Variants in SETDB2 observed in about 807,000 individuals in gnomAD.
The protein encoded by SETDB2 is histone-lysine N-methyltransferase SETDB2.
SETDB2 carries 56 observed loss-of-function variants against 82.5 expected under a neutral mutation model. The observed-to-expected ratio is 0.68, with a 90% CI of 0.55 to 0.85. The LOEUF (loss-of-function observed/expected upper bound fraction) is 0.85. Ranked by LOEUF, SETDB2 falls within the 40% of genes least tolerant of loss-of-function variation. The pLI is 0.00. For missense variants in SETDB2, 677 were observed against 816.4 expected (o/e 0.83, Z 2.08); for synonymous variants, 272 against 284.9 (o/e 0.95, Z 0.46).
chr13:49,470,391 A>T (rs1173483006), intron 5 of SETDB2, among the ~76,000 whole-genome samples: 1 of 152,226 alleles, frequency 6.6e-6, no homozygotes, highest in African/African-American at 2.4e-5. Context: ...GACTGGAATT[A>T]TGTTTAAATA....
rs768076449 is a variant in SETDB2, at chr13:49,482,901, A to G, written c.1321A>G (p.Arg441Gly). 1.5e-5 allele frequency: 25 copies of G among 1,613,438 alleles called. No homozygotes were observed. The Admixed American group carries it at 3.8e-4, about 25-fold the overall frequency. ...VLPLGLETHP[R>G]TAKTEKCPPK... ...CCCATTAGGATTGGAAACACATCCTAGAACTGCTAAAACTGAGAAATGTCC... is the reference window on the plus strand; with the variant it reads ...CCCATTAGGATTGGAAACACATCCTGGAACTGCTAAAACTGAGAAATGTCC... Residue 441 changes from arginine (R) to glycine (G), a missense_variant, in exon 9 of 14, where the codon AGA becomes GGA. Coordinates refer to ENST00000611815, the MANE Select transcript of SETDB2 (RefSeq NM_001160308.3).
rs1958200911 is a variant in SETDB2, at chr13:49,470,277, T to C, written c.305+2317T>C. Among the ~76,000 whole-genome samples the C allele has an allele frequency of 2.6e-5, 4 of 152,310 alleles. No homozygotes were observed. The South Asian group carries it at 8.3e-4, about 32-fold the overall frequency. On this transcript the variant is annotated intron_variant, in intron 5 of 13. Coordinates refer to ENST00000611815, the MANE Select transcript of SETDB2 (RefSeq NM_001160308.3). ...TTTTTTTGAGATTATACCTAACTTT[T>C]GAGTTGAGCATTCTGAGATCTTTTC...
intron 11 of SETDB2, among the ~76,000 whole-genome samples, chr13:49,486,058 C>A (rs536657348): frequency 6.6e-6 from 1 of 152,254 alleles, no homozygotes; most frequent in South Asian, 2.1e-4. Flanking sequence ...CAGTAGCTCA[C>A]GCCCGTAATC....
chr13:49,462,567 G>C (rs568186331), intron 4 of SETDB2, among the ~76,000 whole-genome samples: 2 of 152,236 alleles, frequency 1.3e-5, no homozygotes, highest in South Asian at 4.1e-4. Flanking sequence ...ACTTTAAAAA[G>C]AAAAACTGAG....
At chr13:49,463,225 G>A (rs1340190636) in intron 4 of SETDB2, among the ~76,000 whole-genome samples, 2 of 151,972 alleles carry the variant, frequency 1.3e-5, no homozygotes, top group African/African-American at 4.8e-5. Context: ...TGCCCAGACT[G>A]GTCACGAACT....
At chr13:49,486,654 A>T (rs1958604488) in intron 11 of SETDB2, among the ~76,000 whole-genome samples, 1 of 152,264 alleles carries the variant, frequency 6.6e-6, no homozygotes, top group Non-Finnish European at 1.5e-5. Flanking sequence ...GCAATTGCCT[A>T]GCCAATACTG....
intron 12 of SETDB2, among the ~76,000 whole-genome samples, chr13:49,489,743 G>A (rs1439496500): frequency 2.7e-5 from 4 of 150,376 alleles, no homozygotes; most frequent in African/African-American, 7.3e-5. Context: ...TTACAGGTGT[G>A]CACCACCATG....
At chr13:49,467,713 A>T (rs1479223597) in intron 4 of SETDB2, 151 bp from the exon 5 acceptor site, 1 of 456,132 alleles carries the variant, frequency 2.2e-6, no homozygotes, top group Non-Finnish European at 3.8e-6. Flanking sequence ...TTGACACTTA[A>T]TCTTTTGCCT....
At chr13:49,465,581 G>T (rs961175930) in intron 4 of SETDB2, among the ~76,000 whole-genome samples, 1 of 151,458 alleles carries the variant, frequency 6.6e-6, no homozygotes, top group Non-Finnish European at 1.5e-5. Flanking sequence ...TTATCCCCCA[G>T]GCTGGAGTAC....
In SETDB2 at chr13:49,467,915, C is replaced by T. The variant is rs774547518; in HGVS notation, c.260C>T (p.Pro87Leu). ...CAGGAAAACAAATCCAATGCATTTC[C>T]CTCTACATCATGTGAAAACTCCTTT... ...KEQENKSNAF[P>L]STSCENSFPE... The change falls in exon 5 of 14, where the codon CCC (proline) becomes CTC (leucine). Residue 87 changes from proline (P) to leucine (L), a missense_variant. Around this residue, in one of 3 missense-constraint regions of SETDB2, gnomAD observed 243 missense variants for 237.2 expected, o/e 1.02. Coordinates refer to ENST00000611815, the MANE Select transcript of SETDB2 (RefSeq NM_001160308.3). 4 of 1,610,824 alleles carry T rather than the reference C, an allele frequency of 2.5e-6. No individual in the cohort carries two copies. Among genetic ancestry groups the T allele is most frequent in the Non-Finnish European group, 2.5e-6 (3 of 1,178,910 alleles).
At chr13:49,460,502 C>A (rs1037568613) in intron 3 of SETDB2, among the ~76,000 whole-genome samples, 1 of 152,012 alleles carries the variant, frequency 6.6e-6, no homozygotes, top group African/African-American at 2.4e-5. Flanking sequence ...ATTCCACATT[C>A]AGAGACAACT....
intron 11 of SETDB2, among the ~76,000 whole-genome samples, chr13:49,487,890 T>A (rs1213925387): frequency 6.6e-6 from 1 of 152,144 alleles, no homozygotes; most frequent in Non-Finnish European, 1.5e-5. Flanking sequence ...CTAGAGTGCC[T>A]CCAAAACACC....
At chr13:49,474,152 C>T (rs1171143439) in intron 5 of SETDB2, among the ~76,000 whole-genome samples, 1 of 152,210 alleles carries the variant, frequency 6.6e-6, no homozygotes, top group Non-Finnish European at 1.5e-5. Context: ...ATCCCAGCTA[C>T]TTGGGAGGCT....
intron 13 of SETDB2, 78 bp downstream of exon 13, chr13:49,490,988 C>A: frequency 8.5e-7 from 1 of 1,176,574 alleles, no homozygotes; most frequent in South Asian, 1.4e-5. Flanking sequence ...TGCTGTGGCT[C>A]ATACCTGTAA....
chr13:49,491,244 C>T (rs1958705551), intron 13 of SETDB2, among the ~76,000 whole-genome samples: 1 of 152,142 alleles, frequency 6.6e-6, no homozygotes, highest in Non-Finnish European at 1.5e-5. Context: ...TATACTATAG[C>T]CCCAAATATC....
At chr13:49,477,148 C>T (rs1428995813) in intron 6 of SETDB2, 109 bp downstream of exon 6, 28 of 1,061,692 alleles carry the variant, frequency 2.6e-5, no homozygotes, top group Non-Finnish European at 3.5e-5. Context: ...TCAAGAGTTA[C>T]AGTAAGACTG....
At chr13:49,451,982 G>A (rs1224969992) in intron 2 of SETDB2, 73 bp downstream of exon 2, 6 of 1,149,652 alleles carry the variant, frequency 5.2e-6, no homozygotes, top group Admixed American at 2.4e-5. Context: ...AAGCTGATGT[G>A]GAATTGTCAA....
intron 2 of SETDB2, among the ~76,000 whole-genome samples, chr13:49,453,378 C>T (rs1421549653): frequency 6.6e-6 from 1 of 151,750 alleles, no homozygotes; most frequent in Non-Finnish European, 1.5e-5. Context: ...CTCACTGCAA[C>T]CTCTGCCTCC....
At chr13:49,463,147 G>A (rs1028792629) in intron 4 of SETDB2, among the ~76,000 whole-genome samples, 7 of 149,966 alleles carry the variant, frequency 4.7e-5, no homozygotes, top group East Asian at 3.9e-4. Flanking sequence ...CTGGGACTAC[G>A]GGCGCATGCC....
Sources: gnomAD v4.1 joint callset for allele counts (sites outside exome capture counted in the v4.1 genomes callset) on GRCh38, gnomAD v4.1.1 for gene constraint, gnomAD v4.1.1 regional missense constraint, MANE v1.5 for transcripts, NCBI Gene and HGNC (gene_info 2026-07-23, HGNC 2026-07-21) for gene names.